The following DDX27 variants were observed in gnomAD, a reference collection of about 807,000 sequenced individuals.
DDX27 encodes DEAD-box helicase 27, also known as probable ATP-dependent RNA helicase DDX27.
A neutral mutation model predicts 99.3 loss-of-function variants in DDX27; 42 were observed. That is an observed-to-expected ratio of 0.42 (90% CI 0.33 to 0.55). The LOEUF (loss-of-function observed/expected upper bound fraction) is 0.55. Among genes scored for constraint, DDX27 ranks in the 20% least tolerant of loss-of-function variants. The pLI is 0.07. For missense variants in DDX27, 798 were observed against 976.8 expected (o/e 0.82, Z 2.44); for synonymous variants, 329 against 353.8 (o/e 0.93, Z 0.79).
At chr20:49,225,450 T>TG (rs1376834133) in intron 6 of DDX27, among the ~76,000 whole-genome samples, 1 of 114,592 alleles carries the variant, frequency 8.7e-6, no homozygotes, top group Non-Finnish European at 1.8e-5. Flanking sequence ...GCCAGAGAAC[T>TG]CCCTTTTTTT....
intron 9 of DDX27, among the ~76,000 whole-genome samples, chr20:49,230,789 CCT>C (rs1980083522): frequency 6.6e-6 from 1 of 152,104 alleles, no homozygotes; most frequent in Admixed American, 6.6e-5. Context: ...GCTCTCTGTT[CCT>C]CTCTGTGCCA....
intron 19 of DDX27, 91 bp downstream of exon 19, chr20:49,242,772 G>A (rs977264856): frequency 5.0e-6 from 6 of 1,189,862 alleles, no homozygotes; most frequent in Non-Finnish European, 7.3e-6. Flanking sequence ...GCCCAGGGTG[G>A]AGTGCAGTGG....
Position 49,233,606 on chromosome 20 carries a change from C to A in DDX27, c.1170C>A (p.Val390=), listed in dbSNP as rs777109413. Residue 390 remains valine (V), a synonymous_variant, in exon 11 of 21, where the codon GTC becomes GTA. Transcript: ENST00000618172. The stretch of plus-strand genomic sequence containing the variant: ...CTTCTGTCTCCTTGAAGAATCCTGT[C>A]CGGATATTTGTGAACAGCAACACAG... ...DLASVSLKNP[V]RIFVNSNTDV... The A allele has an allele frequency of 1.9e-6, 3 of 1,614,042 alleles. No individual in the cohort carries two copies. The highest frequency in any genetic ancestry group is 1.7e-6 in the Non-Finnish European group (2 of 1,179,946).
chr20:49,225,688 C>T (rs368571493), intron 6 of DDX27, among the ~76,000 whole-genome samples: 2 of 152,196 alleles, frequency 1.3e-5, no homozygotes. Flanking sequence ...ATCTCCTGAC[C>T]TCGTGATCCG....
At position 49,228,116 on chromosome 20, in the gene DDX27, G is replaced by A. The variant is rs930253137; in HGVS notation, c.707-599G>A. ...AGCCTCCCAAAGTGCTGGGATTACA[G>A]GCATGAGCCACTGTGCCTGGCTGTA... On this transcript the variant is annotated intron_variant, in intron 7 of 20. Coordinates refer to ENST00000618172, the MANE Select transcript of DDX27 (RefSeq NM_017895.8). Among the ~76,000 whole-genome samples the A allele has an allele frequency of 2.7e-5, 4 of 150,366 alleles. No homozygotes were observed. The East Asian group carries it at 8.0e-4, about 30-fold the overall frequency.
intron 18 of DDX27, 76 bp downstream of exon 18, chr20:49,242,282 C>A: frequency 6.3e-7 from 1 of 1,576,308 alleles, no homozygotes; most frequent in Non-Finnish European, 8.6e-7. Context: ...GGGAGAAAAT[C>A]TGAGGGATGA....
rs1568976412 is a variant in DDX27 at position 49,236,287 on chromosome 20, A to T, written c.1510-46A>T. ...GGTGGAAGTCTTTTTGCCTCTTCGC[A>T]CCCCCCTTCCCTTGCCAGGCCTGAC... On this transcript the variant is annotated intron_variant, in intron 13 of 20. Coordinates refer to ENST00000618172, the MANE Select transcript of DDX27 (RefSeq NM_017895.8). This position sits in a 1 kb window ranked among gnomAD's most constrained non-coding sequence, Gnocchi z 4.1. 1 of 1,566,512 alleles carries T rather than the reference A, an allele frequency of 6.4e-7. No homozygotes were observed. The highest frequency in any genetic ancestry group is 8.7e-7 in the Non-Finnish European group (1 of 1,152,940).
At chr20:49,243,305 C>A (rs913322267) in intron 19 of DDX27, among the ~76,000 whole-genome samples, 4 of 152,146 alleles carry the variant, frequency 2.6e-5, no homozygotes, top group Non-Finnish European at 5.9e-5. Flanking sequence ...TCCTGCAGAA[C>A]CCCAGAGAAT....
At chr20:49,229,500 T>G (rs1210615499) in intron 8 of DDX27, among the ~76,000 whole-genome samples, 2 of 152,160 alleles carry the variant, frequency 1.3e-5, no homozygotes. Flanking sequence ...GCAGCGTTTT[T>G]CCAATGAAGT....
intron 7 of DDX27, among the ~76,000 whole-genome samples, chr20:49,227,458 C>G (rs1439465545): frequency 6.6e-6 from 1 of 152,026 alleles, no homozygotes. Flanking sequence ...CCTCTGCCTC[C>G]TGTGTTCAGG....
chr20:49,240,622 T>G (rs1980446709), intron 16 of DDX27, among the ~76,000 whole-genome samples: 1 of 149,932 alleles, frequency 6.7e-6, no homozygotes, highest in East Asian at 2.0e-4. Flanking sequence ...AGAGATGGGA[T>G]TTCACCGTGT....
chr20:49,221,049 C>A (rs558264356), intron 1 of DDX27, among the ~76,000 whole-genome samples: 9 of 152,280 alleles, frequency 5.9e-5, no homozygotes, highest in African/African-American at 1.7e-4. Flanking sequence ...GCAGCCTCCC[C>A]CTCCCGGGTT....
At chr20:49,240,670 G>A (rs1279387395) in intron 16 of DDX27, among the ~76,000 whole-genome samples, 5 of 152,032 alleles carry the variant, frequency 3.3e-5, no homozygotes, top group South Asian at 4.2e-4. Context: ...CTCGTGATCC[G>A]CCTGCCTTGG....
In DDX27 at chr20:49,222,937, C is replaced by T. The variant is rs370175901; in HGVS notation, c.241-20C>T. ...GTTTCAATGAAAATTTCTTTTTCAC[C>T]TCTTTATTTTTATCTGCAGAGGGCA... On this transcript the variant is annotated intron_variant, in intron 2 of 20. Coordinates refer to ENST00000618172, the MANE Select transcript of DDX27 (RefSeq NM_017895.8). 33 of 1,570,530 alleles carry T rather than the reference C, an allele frequency of 2.1e-5. No individual in the cohort carries two copies. The East Asian group carries it at 3.7e-4, about 17-fold the overall frequency.
At chr20:49,221,017 A>C (rs1979648795) in intron 1 of DDX27, among the ~76,000 whole-genome samples, 1 of 152,058 alleles carries the variant, frequency 6.6e-6, no homozygotes, top group South Asian at 2.1e-4. Flanking sequence ...GGTGGAGTGC[A>C]GTGGCGCGAT....
At chr20:49,233,733 G>A (rs1390285116) in intron 11 of DDX27, 24 bp downstream of exon 11, 1 of 1,605,050 alleles carries the variant, frequency 6.2e-7, no homozygotes, top group Non-Finnish European at 8.5e-7. Flanking sequence ...GCAAGCCTGG[G>A]CAGGGTGGGC....
chr20:49,238,870 A>G lies in DDX27; in HGVS notation c.1688-79A>G, dbSNP rs377579849. 3.6e-4 allele frequency: 367 copies of G among 1,013,634 alleles called. 5 individuals carry two copies. The South Asian group carries it at 5.0e-3, about 14-fold the overall frequency. 62.8% of individuals were successfully genotyped at this position (1,013,634 alleles called of 1,614,324 possible). ...AGCAATCCTCCCACCTCAATCTCCC[A>G]GAGTGCCGGGTTACAGGTGTGAGCC... is the stretch of plus-strand genomic sequence containing the variant. On this transcript the variant is annotated intron_variant, in intron 14 of 20. Coordinates refer to ENST00000618172, the MANE Select transcript of DDX27 (RefSeq NM_017895.8).
intron 16 of DDX27, among the ~76,000 whole-genome samples, chr20:49,241,339 T>G (rs1397213108): frequency 1.3e-5 from 2 of 152,216 alleles, no homozygotes; most frequent in Non-Finnish European, 2.9e-5. Flanking sequence ...GGTAAAGTAG[T>G]AAAGTGACCT....
Position 49,228,796 on chromosome 20 carries a change from T to C in DDX27, c.788T>C (p.Val263Ala), listed in dbSNP as rs1353214028. 3.1e-6 allele frequency: 5 copies of C among 1,613,522 alleles called. No homozygotes were observed. The highest frequency in any genetic ancestry group is 4.2e-6 in the Non-Finnish European group (5 of 1,179,684). Residue 263 changes from valine to alanine, a missense_variant, in exon 8 of 21, where the codon GTG (valine) becomes GCG (alanine). Val to Ala is a moderately conservative substitution (Grantham distance 64, BLOSUM62 0). Transcript: ENST00000618172. Reference protein sequence around the residue: ...PRQAPVTRVLVLVPTRELGIQ... With the variant: ...PRQAPVTRVLALVPTRELGIQ... The stretch of plus-strand genomic sequence containing the variant: ...CAGGCTCCAGTCACCCGCGTGCTGG[T>C]GCTAGTGCCCACCCGAGAGCTGGGC...
Sources: allele counts gnomAD v4.1 joint callset (sites outside exome capture counted in the v4.1 genomes callset), GRCh38; gene constraint gnomAD v4.1.1; non-coding constraint Gnocchi (gnomAD v3.1); transcripts MANE v1.5; gene names NCBI Gene and HGNC (gene_info 2026-07-23, HGNC 2026-07-21).